The following SPATA13 variants were observed in gnomAD, a reference collection of about 807,000 sequenced individuals.
The protein encoded by SPATA13 is spermatogenesis-associated protein 13.
Under a neutral mutation model 104.0 loss-of-function variants are expected in SPATA13, and 50 were observed. That is an observed-to-expected ratio of 0.48 (90% confidence interval 0.38 to 0.61). The LOEUF (loss-of-function observed/expected upper bound fraction) is 0.61, where lower values mean the gene tolerates loss of function less well. Ranked by LOEUF, SPATA13 falls within the 20% of genes least tolerant of loss-of-function variation. SPATA13 has a pLI of 0.00. For synonymous variants in SPATA13, 606 were observed against 667.5 expected (o/e 0.91, Z 1.42); for missense variants, 1,524 against 1,690.6 (o/e 0.90, Z 1.73).
At chr13:24,030,689 A>T (rs1877439327) in intron 3 of SPATA13, among the ~76,000 whole-genome samples, 1 of 152,176 alleles carries the variant, frequency 6.6e-6, no homozygotes, top group South Asian at 2.1e-4. Context: ...TTTCAGGGGA[A>T]TTCTTTTATC....
At chr13:24,279,430 G>A (rs1306682649) in intron 4 of SPATA13, among the ~76,000 whole-genome samples, 1 of 152,174 alleles carries the variant, frequency 6.6e-6, no homozygotes, top group Non-Finnish European at 1.5e-5. Context: ...TGGTTTGGCA[G>A]CATCGCTCTG....
At chr13:24,180,552 T>C (rs1868735275) in intron 1 of SPATA13, among the ~76,000 whole-genome samples, 1 of 152,222 alleles carries the variant, frequency 6.6e-6, no homozygotes, top group African/African-American at 2.4e-5. Flanking sequence ...TTTGATAGGA[T>C]TGTACTGAAT....
At chr13:24,013,865 C>T (rs967144823) in intron 2 of SPATA13, among the ~76,000 whole-genome samples, 3 of 152,102 alleles carry the variant, frequency 2.0e-5, no homozygotes, top group African/African-American at 7.2e-5. Flanking sequence ...CAGAGCTCAG[C>T]CTGGTCATGT....
At position 24,262,450 on chromosome 13, in the gene SPATA13, A is replaced by C. The variant is rs180907433; in HGVS notation, c.2164+10588A>C. ...GGACTGTCAATAAAATAAGGCAGTAAGAATTCTTGATTCATAGCCTAAGTG... is the reference window on the plus strand; with the variant it reads ...GGACTGTCAATAAAATAAGGCAGTACGAATTCTTGATTCATAGCCTAAGTG... On this transcript the variant is annotated intron_variant, in intron 4 of 12. Coordinates refer to ENST00000382108, the MANE Select transcript of SPATA13 (RefSeq NM_001166271.3). Among the ~76,000 whole-genome samples, 14 of 152,288 alleles carry C rather than the reference A, an allele frequency of 9.2e-5. No homozygotes were observed. In the East Asian group the frequency reaches 1.9e-3, roughly 21 times the overall value.
At chr13:24,275,013 A>G (rs7338464) in intron 4 of SPATA13, among the ~76,000 whole-genome samples, 22,700 of 152,134 alleles carry the variant, frequency 0.15, 2,864 homozygotes, top group African/African-American at 0.35. Flanking sequence ...CACCCTCACC[A>G]GGACTACCCT....
rs371791869 is a variant in SPATA13 at position 24,278,726 on chromosome 13, A to G, written c.2165-5409A>G. The G allele has an allele frequency of 6.4e-5, 101 of 1,580,528 alleles. No homozygotes were observed. The African/African-American group carries it at 1.2e-3, about 19-fold the overall frequency. On this transcript the variant is annotated intron_variant, in intron 4 of 12. Coordinates refer to ENST00000382108, the MANE Select transcript of SPATA13 (RefSeq NM_001166271.3). ...ATGGGTTTTATCATCCACATTCAAC[A>G]GGTGAAAAAACAAAGAAAGAAACTT...
intron 3 of SPATA13, among the ~76,000 whole-genome samples, chr13:24,029,656 T>C (rs1233666574): frequency 1.3e-5 from 2 of 152,192 alleles, no homozygotes; most frequent in African/African-American, 2.4e-5. Context: ...GGGGTACAAG[T>C]GCAGCTTTGT....
At chr13:24,126,762 G>T (rs2181504) in intron 3 of SPATA13, among the ~76,000 whole-genome samples, 102,878 of 151,870 alleles carry the variant, frequency 0.68, 35,508 homozygotes, top group East Asian at 0.93. Flanking sequence ...TCACTATGTT[G>T]CCCAGGCTGG....
At chr13:24,103,082 T>C (rs1880309452) in intron 3 of SPATA13, among the ~76,000 whole-genome samples, 1 of 152,188 alleles carries the variant, frequency 6.6e-6, no homozygotes, top group Non-Finnish European at 1.5e-5. Context: ...AAATCAGATA[T>C]GTTAAGTCAT....
At chr13:24,268,365 T>C (rs146602299) in intron 4 of SPATA13, among the ~76,000 whole-genome samples, 7 of 152,276 alleles carry the variant, frequency 4.6e-5, no homozygotes, top group African/African-American at 1.4e-4. Context: ...TTTGAGCCTA[T>C]AATTTAATAA....
In SPATA13 at chr13:24,123,328, C is replaced by A; in HGVS notation, c.-111-99491C>A. The A allele has an allele frequency of 2.2e-6, 3 of 1,394,696 alleles. No individual in the cohort carries two copies. In the Middle Eastern group the frequency reaches 6.8e-4, roughly 314 times the overall value. The allele number at this position is 1,394,696 out of a possible 1,614,324, so 86.4% of individuals were successfully genotyped here. ...TCTAAGGCTGTTTGAAGGTTCTGAT[C>A]ACTTTCGAACTTCACTTCACAGAAA... On this transcript the variant is annotated intron_variant, in intron 3 of 14. Coordinates refer to the SPATA13 transcript ENST00000424834.
At chr13:24,163,398 T>C (rs1029692004) in intron 1 of SPATA13, among the ~76,000 whole-genome samples, 3 of 152,114 alleles carry the variant, frequency 2.0e-5, no homozygotes, top group African/African-American at 7.2e-5. Context: ...CGAGAGACTC[T>C]GTCTCTAAAA....
At chr13:24,037,836 G>A (rs1186364399) in intron 3 of SPATA13, among the ~76,000 whole-genome samples, 1 of 152,104 alleles carries the variant, frequency 6.6e-6, no homozygotes, top group Non-Finnish European at 1.5e-5. Context: ...GTGAAATTGT[G>A]GATGTCTGTG....
chr13:23,987,059 A>C (rs1875182089), intron 2 of SPATA13, among the ~76,000 whole-genome samples: 1 of 107,160 alleles, frequency 9.3e-6, no homozygotes, highest in Admixed American at 1.0e-4. Context: ...CACATGGGGC[A>C]GGCCTACCCC....
intron 3 of SPATA13, among the ~76,000 whole-genome samples, chr13:24,106,210 G>C (rs1352056545): frequency 6.6e-6 from 1 of 152,050 alleles, no homozygotes; most frequent in Non-Finnish European, 1.5e-5. Context: ...ACTTTTTACT[G>C]TTTTGTACAG....
intron 3 of SPATA13, among the ~76,000 whole-genome samples, chr13:24,020,373 T>A (rs919415958): frequency 2.8e-4 from 42 of 152,210 alleles, no homozygotes; most frequent in African/African-American, 8.9e-4. Context: ...TTATGAAAAC[T>A]TTTTTGTTTT....
In SPATA13 at chr13:24,005,911, C is replaced by A. The variant is rs189364599; in HGVS notation, c.-146-11756C>A. On this transcript the variant is annotated intron_variant, in intron 2 of 14. Transcript: ENST00000424834. ...ACATCCACCCCCTTGACCTTTAGAG[C>A]TGATCTTCTAAAAGACCGTACTGTT... is the stretch of plus-strand genomic sequence containing the variant. Among the ~76,000 whole-genome samples the A allele has an allele frequency of 7.2e-5, 11 of 152,316 alleles. No individual in the cohort carries two copies. The East Asian group carries it at 2.1e-3, about 29-fold the overall frequency.
intron 2 of SPATA13, among the ~76,000 whole-genome samples, chr13:24,237,223 G>A (rs1460602764): frequency 6.6e-6 from 1 of 152,068 alleles, no homozygotes; most frequent in Admixed American, 6.5e-5. Flanking sequence ...TGGGCATAAT[G>A]GTGGGTGCCT....
chr13:24,268,682 C>T (rs1196095157), intron 4 of SPATA13, among the ~76,000 whole-genome samples: 1 of 152,126 alleles, frequency 6.6e-6, no homozygotes, highest in Non-Finnish European at 1.5e-5. Context: ...TCACTTGAAC[C>T]CAGGAGGTGG....
Sources: gnomAD v4.1 joint callset for allele counts (sites outside exome capture counted in the v4.1 genomes callset) on GRCh38, gnomAD v4.1.1 for gene constraint, MANE v1.5 for transcripts, NCBI Gene and HGNC (gene_info 2026-07-23, HGNC 2026-07-21) for gene names.